The following RORB variants were observed in gnomAD, a reference collection of about 807,000 sequenced individuals.
RORB encodes nuclear receptor ROR-beta.
A neutral mutation model predicts 59.1 loss-of-function variants in RORB; 6 were observed. The observed-to-expected ratio is 0.10, with a 90% CI of 0.06 to 0.20. The LOEUF (loss-of-function observed/expected upper bound fraction) is 0.20. Among genes scored for constraint, RORB ranks in the 10% least tolerant of loss-of-function variants. RORB has a pLI of 1.00. For missense variants in RORB, 320 were observed against 560.5 expected (o/e 0.57, Z 4.33); for synonymous variants, 215 against 204.5 (o/e 1.05, Z -0.44).
chr9:74,666,497 C>T (rs1031835590), intron 7 of RORB, among the ~76,000 whole-genome samples: 5 of 151,004 alleles, frequency 3.3e-5, no homozygotes, highest in Admixed American at 1.3e-4. Flanking sequence ...TAACCGGAGG[C>T]TGATGCTAAA....
chr9:74,679,400 C>T (rs781435200), intron 9 of RORB, among the ~76,000 whole-genome samples: 14 of 152,262 alleles, frequency 9.2e-5, no homozygotes, highest in Admixed American at 2.6e-4. Context: ...AAACTGGCAT[C>T]CCCAAAGCTT....
At chr9:74,539,315 T>A (rs1826369073) in intron 1 of RORB, among the ~76,000 whole-genome samples, 1 of 152,194 alleles carries the variant, frequency 6.6e-6, no homozygotes, top group Non-Finnish European at 1.5e-5. Flanking sequence ...TAGATGTTGC[T>A]GGTTTCTCTT....
At chr9:74,560,566 T>C (rs749742689) in intron 1 of RORB, among the ~76,000 whole-genome samples, 7 of 152,060 alleles carry the variant, frequency 4.6e-5, no homozygotes, top group Non-Finnish European at 8.8e-5. Flanking sequence ...GGTAGAAACA[T>C]TTGATATCTT....
chr9:74,541,004 GGCACCGTGGT>G (rs1826397448), intron 1 of RORB, among the ~76,000 whole-genome samples: 1 of 151,912 alleles, frequency 6.6e-6, no homozygotes, highest in Non-Finnish European at 1.5e-5. Context: ...TGTTGAGCCG[GGCACCGTGGT>G]GCACGCCTAT....
intron 1 of RORB, among the ~76,000 whole-genome samples, chr9:74,628,705 A>G (rs1823563142): frequency 6.6e-6 from 1 of 152,240 alleles, no homozygotes; most frequent in African/African-American, 2.4e-5. Context: ...AAAAGCATCC[A>G]AGTGGCAGAT....
At chr9:74,604,450 G>A (rs567134282) in intron 1 of RORB, among the ~76,000 whole-genome samples, 44 of 152,244 alleles carry the variant, frequency 2.9e-4, no homozygotes, top group African/African-American at 1.0e-3. Flanking sequence ...TAGTTGCAAG[G>A]GCATGGGCAA....
At chr9:74,656,952 CCT>C (rs1824092996) in intron 4 of RORB, among the ~76,000 whole-genome samples, 1 of 152,152 alleles carries the variant, frequency 6.6e-6, no homozygotes, top group Non-Finnish European at 1.5e-5. Flanking sequence ...CTCCATGCAC[CCT>C]GTGTTGCAAA....
intron 1 of RORB, among the ~76,000 whole-genome samples, chr9:74,516,419 A>T (rs1826011392): frequency 6.6e-6 from 1 of 152,024 alleles, no homozygotes. Flanking sequence ...GGCCTCCAAG[A>T]GAGTTCTCAC....
At chr9:74,511,542 A>C (rs1825939270) in intron 1 of RORB, among the ~76,000 whole-genome samples, 1 of 151,510 alleles carries the variant, frequency 6.6e-6, no homozygotes, top group African/African-American at 2.4e-5. Context: ...CCTGGCACAT[A>C]AGGCGGCTAG....
chr9:74,555,392 G>A lies in RORB; in HGVS notation c.7+57409G>A, dbSNP rs780012165. On this transcript the variant is annotated intron_variant, in intron 1 of 9. Transcript: ENST00000376896. ...TTTAAAGTGGAAGCTTGCTCATTTC[G>A]ATGGAGAAGAATCCAGAAACCAACG... Among the ~76,000 whole-genome samples, 4 of 152,204 alleles carry A rather than the reference G, an allele frequency of 2.6e-5. No homozygotes were observed. The South Asian group carries it at 6.2e-4, about 24-fold the overall frequency.
At position 74,657,146 on chromosome 9, in the gene RORB, A is replaced by G. The variant is rs112464876; in HGVS notation, c.638-3471A>G. On this transcript the variant is annotated intron_variant, in intron 4 of 9. Coordinates refer to ENST00000376896, the MANE Select transcript of RORB (RefSeq NM_006914.4). ...CTGCAACTTCCGACTCCCTGCTTCA[A>G]GGGATTCTCCTGTCTCAGCCTCTTG... 4.4e-3 allele frequency among the ~76,000 whole-genome samples: 666 copies of G among 152,302 alleles called. 5 individuals are homozygous for G. Among genetic ancestry groups the G allele is most frequent in the African/African-American group, 0.016 (647 of 41,566 alleles).
At chr9:74,663,213 G>A (rs1824217625) in intron 6 of RORB, among the ~76,000 whole-genome samples, 2 of 152,072 alleles carry the variant, frequency 1.3e-5, no homozygotes, top group African/African-American at 4.8e-5. Flanking sequence ...TTTGAAAATA[G>A]AAAATAAGAA....
intron 1 of RORB, among the ~76,000 whole-genome samples, chr9:74,526,901 T>G (rs551979927): frequency 6.6e-6 from 1 of 152,074 alleles, no homozygotes; most frequent in South Asian, 2.1e-4. Context: ...GGACTTATGA[T>G]TAGAGAGAGC....
At chr9:74,605,244 A>G (rs1460046802) in intron 1 of RORB, among the ~76,000 whole-genome samples, 1 of 152,234 alleles carries the variant, frequency 6.6e-6, no homozygotes. Context: ...ATTAAAAGGT[A>G]GAAAGAAAAA....
intron 1 of RORB, among the ~76,000 whole-genome samples, chr9:74,629,322 G>A (rs899529013): frequency 6.6e-6 from 1 of 151,196 alleles, no homozygotes; most frequent in Non-Finnish European, 1.5e-5. Context: ...TGTTCACTTC[G>A]TTGATTCCTT....
At chr9:74,680,633 A>G (rs1158196669) in intron 9 of RORB, among the ~76,000 whole-genome samples, 1 of 152,166 alleles carries the variant, frequency 6.6e-6, no homozygotes, top group Non-Finnish European at 1.5e-5. Context: ...TATAATTCGA[A>G]TCCAACTAGG....
At chr9:74,615,687 C>G (rs1408540462) in intron 1 of RORB, 1 of 422,580 alleles carries the variant, frequency 2.4e-6, no homozygotes, top group South Asian at 1.7e-5. Context: ...CTGTATGGAC[C>G]ATCCTCCAGG....
At chr9:74,530,233 CATTTCTTTTGGTCGTTGACT>C (rs1826215619) in intron 1 of RORB, among the ~76,000 whole-genome samples, 1 of 152,002 alleles carries the variant, frequency 6.6e-6, no homozygotes, top group Non-Finnish European at 1.5e-5. Flanking sequence ...TGATTCTATT[CATTTCTTTTGGTCGTTGACT>C]GAAAATTCTC....
At chr9:74,622,813 C>T (rs1485304766) in intron 1 of RORB, among the ~76,000 whole-genome samples, 1 of 152,110 alleles carries the variant, frequency 6.6e-6, no homozygotes, top group African/African-American at 2.4e-5. Flanking sequence ...GCATGAGCCA[C>T]CGTGCCCAGC....
Sources: allele counts gnomAD v4.1 joint callset (sites outside exome capture counted in the v4.1 genomes callset), GRCh38; gene constraint gnomAD v4.1.1; transcripts MANE v1.5; gene names NCBI Gene and HGNC (gene_info 2026-07-23, HGNC 2026-07-21).